IL1RAPL2: variants seen among roughly 807,000 people sequenced by gnomAD.
IL1RAPL2 encodes X-linked interleukin-1 receptor accessory protein-like 2.
A neutral mutation model predicts 44.1 loss-of-function variants in IL1RAPL2; 3 were observed. The observed-to-expected ratio is 0.07, with a 90% CI of 0.03 to 0.18. IL1RAPL2 has a LOEUF of 0.18. Among genes scored for constraint, IL1RAPL2 ranks in the 10% least tolerant of loss-of-function variants. The pLI, the probability that IL1RAPL2 is intolerant of heterozygous loss-of-function variation, is 1.00. For missense variants in IL1RAPL2, 391 were observed against 496.4 expected, an observed-to-expected ratio of 0.79 and a Z score of 2.02; for synonymous variants, 181 against 178.8, an observed-to-expected ratio of 1.01 and a Z score of -0.10.
At chrX:105,028,312 T>C (rs1347693983) in intron 2 of IL1RAPL2, among the ~76,000 whole-genome samples, 4 of 111,072 alleles carry the variant, frequency 3.6e-5, no homozygotes, top group South Asian at 3.8e-4. Flanking sequence ...ATTGTACATA[T>C]AAAAATAACT....
chrX:104,686,211 T>C (rs985376199), intron 2 of IL1RAPL2, among the ~76,000 whole-genome samples: 6 of 111,643 alleles, frequency 5.4e-5, no homozygotes, highest in African/African-American at 2.0e-4. Context: ...TTATTTCTCT[T>C]ATTTCACTTT....
chrX:104,678,020 C>T (rs964283988), intron 2 of IL1RAPL2, among the ~76,000 whole-genome samples: 14 of 112,450 alleles, frequency 1.2e-4, no homozygotes, highest in East Asian at 8.5e-4. Context: ...GAGATGAACC[C>T]GGTACCTCAG....
chrX:105,023,584 AAG>A (rs1466889032), intron 2 of IL1RAPL2, among the ~76,000 whole-genome samples: 3 of 111,558 alleles, frequency 2.7e-5, no homozygotes, highest in Non-Finnish European at 5.7e-5. Context: ...AATATTTTTG[AAG>A]AGTGTGCCAA....
At chrX:105,257,616 C>T (rs1213035939) in intron 4 of IL1RAPL2, among the ~76,000 whole-genome samples, 1 of 111,808 alleles carries the variant, frequency 8.9e-6, no homozygotes, top group African/African-American at 3.3e-5. Context: ...ATCTGGGTTC[C>T]CCCGTGGTGG....
chrX:104,786,763 G>A, intron 2 of IL1RAPL2, among the ~76,000 whole-genome samples: 1 of 111,529 alleles, frequency 9.0e-6, no homozygotes, highest in Admixed American at 9.6e-5. Flanking sequence ...CTAGGGGAAC[G>A]AGACAAACAG....
chrX:105,110,694 C>G (rs1442607294), intron 2 of IL1RAPL2, among the ~76,000 whole-genome samples: 4 of 111,705 alleles, frequency 3.6e-5, no homozygotes, highest in Non-Finnish European at 7.5e-5. Context: ...AATCCCAGCA[C>G]TTTGGGAGGT....
At chrX:105,401,982 G>A (rs976544003) in intron 5 of IL1RAPL2, among the ~76,000 whole-genome samples, 1 of 109,802 alleles carries the variant, frequency 9.1e-6, no homozygotes, top group African/African-American at 3.3e-5. Flanking sequence ...GAAAAAAATT[G>A]TCACTTTCCT....
At chrX:105,500,316 C>A (rs1244277793) in intron 6 of IL1RAPL2, among the ~76,000 whole-genome samples, 2 of 108,846 alleles carry the variant, frequency 1.8e-5, no homozygotes, top group African/African-American at 6.8e-5. Flanking sequence ...AGAGGGTAGA[C>A]TTCATGTTAT....
At chrX:105,244,473 C>T (rs896720194) in intron 4 of IL1RAPL2, among the ~76,000 whole-genome samples, 12 of 111,693 alleles carry the variant, frequency 1.1e-4, no homozygotes, top group Non-Finnish European at 1.7e-4. Flanking sequence ...CCAATCTGAT[C>T]CTGGACCTAG....
chrX:105,375,196 A>G (rs1364462254), intron 5 of IL1RAPL2, among the ~76,000 whole-genome samples: 1 of 110,277 alleles, frequency 9.1e-6, no homozygotes, highest in Non-Finnish European at 1.9e-5. Context: ...GGCCAGTCAG[A>G]CTTTTGCCAG....
chrX:105,600,792 T>C (rs2037246276), intron 6 of IL1RAPL2, among the ~76,000 whole-genome samples: 1 of 110,989 alleles, frequency 9.0e-6, no homozygotes, highest in Non-Finnish European at 1.9e-5. Context: ...CTGGATTTTA[T>C]AGGATATGAA....
At chrX:105,347,739 A>C (rs1243383167) in intron 5 of IL1RAPL2, among the ~76,000 whole-genome samples, 2 of 110,937 alleles carry the variant, frequency 1.8e-5, no homozygotes, top group African/African-American at 6.6e-5. Flanking sequence ...GAGTGGGAAG[A>C]GGTTAGCCTG....
rs754456620 is a variant in IL1RAPL2, at chrX:104,764,998, A to T, written c.82+106003A>T. Among the ~76,000 whole-genome samples, 9 of 111,745 alleles carry T rather than the reference A, an allele frequency of 8.1e-5. No homozygotes were observed. The South Asian group carries it at 3.3e-3, about 41-fold the overall frequency. On this transcript the variant is annotated intron_variant, in intron 2 of 10. Coordinates refer to ENST00000372582, the MANE Select transcript of IL1RAPL2 (RefSeq NM_017416.2). ...ATTTTTGCATAAATGTTCATCAGAG[A>T]TATTGGTCTGTAGTTTTTTTATATG...
rs747865725 is a variant in IL1RAPL2 at position 104,697,481 on chromosome X, T to C, written c.82+38486T>C. On this transcript the variant is annotated intron_variant, in intron 2 of 10. Transcript: ENST00000372582. ...GTAAAATAAGAAGGCAGTTTTGCTATTTTTGTACAAGACCTCCTAAGCAAC... is the reference window on the plus strand; with the variant it reads ...GTAAAATAAGAAGGCAGTTTTGCTACTTTTGTACAAGACCTCCTAAGCAAC... 3.6e-5 allele frequency among the ~76,000 whole-genome samples: 4 copies of C among 112,405 alleles called. No homozygotes were observed. In the East Asian group the frequency reaches 1.1e-3, roughly 32 times the overall value.
intron 1 of IL1RAPL2, among the ~76,000 whole-genome samples, chrX:104,645,995 T>C (rs1337582056): frequency 1.8e-5 from 2 of 112,202 alleles, no homozygotes; most frequent in East Asian, 5.6e-4. Context: ...TGCTGACATG[T>C]AGAGAGATCT....
At chrX:105,374,134 AAAG>A (rs1480020834) in intron 5 of IL1RAPL2, among the ~76,000 whole-genome samples, 4 of 85,706 alleles carry the variant, frequency 4.7e-5, no homozygotes, top group East Asian at 5.8e-4. Flanking sequence ...AAAAAAAAAA[AAAG>A]AAAGAAAGAG....
intron 2 of IL1RAPL2, among the ~76,000 whole-genome samples, chrX:105,132,386 TTAAGA>T (rs1264586604): frequency 9.0e-6 from 1 of 110,866 alleles, no homozygotes; most frequent in Non-Finnish European, 1.9e-5. Context: ...AAAAGTTCAT[TTAAGA>T]TAATTTCGCC....
intron 6 of IL1RAPL2, among the ~76,000 whole-genome samples, chrX:105,523,289 G>T (rs1197057684): frequency 9.0e-6 from 1 of 111,398 alleles, no homozygotes; most frequent in Non-Finnish European, 1.9e-5. Context: ...TGAAATCCTG[G>T]TTCCACCATT....
At chrX:105,388,411 C>T (rs1311048837) in intron 5 of IL1RAPL2, among the ~76,000 whole-genome samples, 1 of 86,632 alleles carries the variant, frequency 1.2e-5, no homozygotes, top group Admixed American at 1.4e-4. Flanking sequence ...ACACTAATAC[C>T]ATGAACAAGA....
Sources: allele counts gnomAD v4.1 joint callset (sites outside exome capture counted in the v4.1 genomes callset), GRCh38; gene constraint gnomAD v4.1.1; transcripts MANE v1.5; gene names NCBI Gene and HGNC (gene_info 2026-07-23, HGNC 2026-07-21).